RAI14: variants seen among roughly 807,000 people sequenced by gnomAD.
RAI14 encodes retinoic acid induced 14.
Under a neutral mutation model 115.4 loss-of-function variants are expected in RAI14, and 45 were observed. The observed-to-expected ratio is 0.39, with a 90% CI of 0.31 to 0.50. The LOEUF is 0.50. Ranked by LOEUF, RAI14 falls within the 20% of genes least tolerant of loss-of-function variation. The probability of loss-of-function intolerance (pLI) is 0.85; values close to 1 mark genes in which losing one functional copy is unlikely to be tolerated. For missense variants in RAI14, 939 were observed against 1,131.2 expected (o/e 0.83, Z 2.44); for synonymous variants, 371 against 415.4 (o/e 0.89, Z 1.30).
intron 3 of RAI14, among the ~76,000 whole-genome samples, chr5:34,775,061 C>T (rs1439422383): frequency 1.3e-5 from 2 of 152,102 alleles, no homozygotes; most frequent in African/African-American, 4.8e-5. Context: ...AACTGGATCT[C>T]CATATATAGA....
chr5:34,796,085 G>A (rs1393037782), intron 4 of RAI14, 58 bp downstream of exon 4: 28 of 1,357,254 alleles, frequency 2.1e-5, no homozygotes, highest in Admixed American at 3.5e-5. Context: ...GTATCAAAAA[G>A]TAATACATAT....
At chr5:34,721,831 C>T (rs1742794190) in intron 2 of RAI14, among the ~76,000 whole-genome samples, 1 of 152,160 alleles carries the variant, frequency 6.6e-6, no homozygotes, top group Admixed American at 6.5e-5. Flanking sequence ...CTGACTCAGC[C>T]TCCCAAGTAG....
chr5:34,814,726 G>A, intron 12 of RAI14, 57 bp downstream of exon 12: 2 of 1,341,848 alleles, frequency 1.5e-6, no homozygotes, highest in Middle Eastern at 1.8e-4. Context: ...TGATAGACTT[G>A]CTTTAAGTTA....
intron 4 of RAI14, among the ~76,000 whole-genome samples, chr5:34,801,882 G>C (rs917487543): frequency 6.6e-6 from 1 of 152,026 alleles, no homozygotes; most frequent in Non-Finnish European, 1.5e-5. Context: ...ACTAGCCTGG[G>C]CAACATAGCA....
At chr5:34,789,845 G>T (rs1375704760) in intron 3 of RAI14, among the ~76,000 whole-genome samples, 1 of 152,200 alleles carries the variant, frequency 6.6e-6, no homozygotes, top group East Asian at 1.9e-4. Flanking sequence ...TGGAAACTGA[G>T]ATAGAGCCTA....
chr5:34,789,274 C>G (rs1752661305), intron 3 of RAI14, among the ~76,000 whole-genome samples: 1 of 152,206 alleles, frequency 6.6e-6, no homozygotes, highest in Non-Finnish European at 1.5e-5. Flanking sequence ...GGAAATCTAC[C>G]CACCATCATC....
intron 2 of RAI14, among the ~76,000 whole-genome samples, chr5:34,732,954 C>G (rs564387503): frequency 2.0e-5 from 3 of 151,988 alleles, no homozygotes; most frequent in Non-Finnish European, 2.9e-5. Flanking sequence ...CTCACTCTGT[C>G]CTGAGAGCCT....
At chr5:34,772,663 G>T (rs1309840767) in intron 3 of RAI14, among the ~76,000 whole-genome samples, 1 of 152,274 alleles carries the variant, frequency 6.6e-6, no homozygotes, top group African/African-American at 2.4e-5. Context: ...GACCAGCCTT[G>T]TCACCTGGGC....
Position 34,714,094 on chromosome 5 carries a change from G to A in RAI14, c.36+27139G>A, listed in dbSNP as rs145512590. Among the ~76,000 whole-genome samples the A allele has an allele frequency of 3.3e-3, 507 of 152,272 alleles. 1 individual carries two copies. Among genetic ancestry groups the A allele is most frequent in the African/African-American group, 0.012 (488 of 41,560 alleles). ...TGGGATTTCAGGCGTGAGCCACCTC[G>A]CCCGGCCTTTGAATTTATTTTCTTT... is the stretch of plus-strand genomic sequence containing the variant. On this transcript the variant is annotated intron_variant, in intron 2 of 17. Coordinates refer to ENST00000265109, the MANE Select transcript of RAI14 (RefSeq NM_015577.3).
At chr5:34,811,258 C>T (rs1210092726) in intron 8 of RAI14, 140 bp downstream of exon 8, 1 of 1,017,246 alleles carries the variant, frequency 9.8e-7, no homozygotes, top group Non-Finnish European at 1.4e-6. Context: ...TCTACTGTTT[C>T]TGATAATCAA....
rs1460345422 is a variant in RAI14, at chr5:34,752,870, C to T, written c.37-4598C>T. On this transcript the variant is annotated intron_variant, in intron 2 of 17. Coordinates refer to ENST00000265109, the MANE Select transcript of RAI14 (RefSeq NM_015577.3). Reference sequence around the variant, plus strand: ...GCAACCTCCACCTCCCGGGTTCAAACGATTCTCCTGCCTCAGAATCCCAAG... The same window carrying T: ...GCAACCTCCACCTCCCGGGTTCAAATGATTCTCCTGCCTCAGAATCCCAAG... 7.9e-5 allele frequency among the ~76,000 whole-genome samples: 12 copies of T among 151,262 alleles called. No individual in the cohort carries two copies. In the South Asian group the frequency reaches 1.3e-3, roughly 16 times the overall value.
At chr5:34,812,557 C>T (rs1168749327) in intron 10 of RAI14, among the ~76,000 whole-genome samples, 1 of 151,656 alleles carries the variant, frequency 6.6e-6, no homozygotes, top group Non-Finnish European at 1.5e-5. Context: ...CCCAGCTGCT[C>T]GGGAGGCTGA....
intron 3 of RAI14, among the ~76,000 whole-genome samples, chr5:34,776,879 A>C (rs1317242381): frequency 6.6e-6 from 1 of 151,928 alleles, no homozygotes; most frequent in East Asian, 1.9e-4. Flanking sequence ...ATTAAAAACA[A>C]GGAAAAGAGC....
At position 34,826,322 on chromosome 5, in the gene RAI14, GC is replaced by G; in HGVS notation, c.2650-4del. ...CTGTCTGCTAATACCATTTTCCTTT[GC>G]CCCTAGATAAATGAGATGTCGAAGG... On this transcript the variant is annotated splice_polypyrimidine_tract_variant and splice_region_variant and intron_variant, in intron 15 of 17. Coordinates refer to ENST00000265109, the MANE Select transcript of RAI14 (RefSeq NM_015577.3). 6.2e-7 allele frequency: 1 copy of G among 1,612,076 alleles called. No individual in the cohort carries two copies. The highest frequency in any genetic ancestry group is 8.5e-7 in the Non-Finnish European group (1 of 1,178,932).
chr5:34,710,580 G>C (rs1228771060), intron 2 of RAI14, among the ~76,000 whole-genome samples: 1 of 152,152 alleles, frequency 6.6e-6, no homozygotes, highest in Non-Finnish European at 1.5e-5. Context: ...TTAGATTTTA[G>C]TGTTTCCAAA....
chr5:34,815,496 G>T (rs540301569), intron 12 of RAI14, among the ~76,000 whole-genome samples: 6 of 152,346 alleles, frequency 3.9e-5, no homozygotes, highest in Non-Finnish European at 7.3e-5. Context: ...CCAGGAGGCA[G>T]AGGTTGCAGT....
chr5:34,808,738 T>C, intron 7 of RAI14, 84 bp downstream of exon 7: 1 of 1,317,458 alleles, frequency 7.6e-7, no homozygotes, highest in Non-Finnish European at 1.1e-6. Context: ...ACTGAGACTT[T>C]AGACTAGCAG....
At chr5:34,698,161 CCCTCCCCT>C (rs1739552622) in intron 2 of RAI14, among the ~76,000 whole-genome samples, 1 of 5,580 alleles carries the variant, frequency 1.8e-4, no homozygotes, top group Non-Finnish European at 4.7e-4. Flanking sequence ...CTCCCTTCCT[CCCTCCCCT>C]CCTCCCTTCC....
chr5:34,748,524 C>G (rs1030686808), intron 2 of RAI14, among the ~76,000 whole-genome samples: 2 of 152,200 alleles, frequency 1.3e-5, no homozygotes, highest in African/African-American at 4.8e-5. Context: ...GACTGGTTCA[C>G]AATCCAGTCA....
Sources: allele counts gnomAD v4.1 joint callset (sites outside exome capture counted in the v4.1 genomes callset), GRCh38; gene constraint gnomAD v4.1.1; transcripts MANE v1.5; gene names NCBI Gene and HGNC (gene_info 2026-07-23, HGNC 2026-07-21).